HAO2: variants seen among roughly 807,000 people sequenced by gnomAD.
HAO2 encodes hydroxyacid oxidase 2, also known as 2-Hydroxyacid oxidase 2.
Under a neutral mutation model 37.4 loss-of-function variants are expected in HAO2, and 42 were observed. That is an observed-to-expected ratio of 1.12 (90% CI 0.88 to 1.45). The LOEUF (loss-of-function observed/expected upper bound fraction) is 1.45. Ranked by LOEUF, HAO2 falls within the 40% of genes most tolerant of loss-of-function variation. The pLI, the probability that HAO2 is intolerant of heterozygous loss-of-function variation, is 0.00. For synonymous variants in HAO2, 180 were observed against 162.8 expected, an observed-to-expected ratio of 1.11 and a Z score of -0.81; for missense variants, 476 against 430.2, an observed-to-expected ratio of 1.11 and a Z score of -0.94.
At chr1:119,377,221 G>C (rs1450676552) in intron 1 of HAO2, among the ~76,000 whole-genome samples, 1 of 152,140 alleles carries the variant, frequency 6.6e-6, no homozygotes. Flanking sequence ...TCTTCTGCCA[G>C]ATACTCTAAA....
intron 4 of HAO2, among the ~76,000 whole-genome samples, chr1:119,386,317 G>C (rs587621930): frequency 6.6e-6 from 1 of 152,096 alleles, no homozygotes; most frequent in Non-Finnish European, 1.5e-5. Flanking sequence ...GAGCCCAAGC[G>C]ATCCTCCCAC....
chr1:119,371,947 A>G (rs1649063388), intron 1 of HAO2, among the ~76,000 whole-genome samples: 1 of 152,226 alleles, frequency 6.6e-6, no homozygotes, highest in South Asian at 2.1e-4. Context: ...AATGTCTCCC[A>G]GTATGCCCTA....
chr1:119,376,171 G>C (rs942695505), intron 1 of HAO2, among the ~76,000 whole-genome samples: 20 of 152,176 alleles, frequency 1.3e-4, no homozygotes, highest in Non-Finnish European at 2.6e-4. Flanking sequence ...TTACTTCCTA[G>C]ATACAATGGG....
intron 1 of HAO2, among the ~76,000 whole-genome samples, chr1:119,375,422 A>G (rs1570754888): frequency 6.6e-6 from 1 of 152,050 alleles, no homozygotes; most frequent in Non-Finnish European, 1.5e-5. Flanking sequence ...TAAGATTTAC[A>G]TATATTATAT....
chr1:119,387,929 C>T (rs1650515737), intron 5 of HAO2, among the ~76,000 whole-genome samples: 1 of 152,162 alleles, frequency 6.6e-6, no homozygotes, highest in Non-Finnish European at 1.5e-5. Context: ...GCTTGGAAGC[C>T]TAAGAGCCAG....
chr1:119,388,531 C>A (rs1002740208), intron 5 of HAO2, among the ~76,000 whole-genome samples: 5 of 152,172 alleles, frequency 3.3e-5, no homozygotes, highest in Non-Finnish European at 7.3e-5. Context: ...TTCTCCCAAG[C>A]CATTTGGCTT....
In HAO2 at chr1:119,381,076, A is replaced by G. The variant is rs1263505105; in HGVS notation, c.-8-2A>G. The G allele has an allele frequency of 6.2e-7, 1 of 1,613,092 alleles. No individual in the cohort carries two copies. The highest frequency in any genetic ancestry group is 8.5e-7 in the Non-Finnish European group (1 of 1,179,250). On this transcript the variant is annotated splice_acceptor_variant, in intron 1 of 7. Coordinates refer to ENST00000325945, the MANE Select transcript of HAO2 (RefSeq NM_016527.4). LOFTEE classifies it low-confidence loss of function (5UTR_SPLICE). ...GGTTTGGTTTTGTTTTCTCCTTGGA[A>G]GGTCCAGAAATGTCCTTGGTGTGTT... is the stretch of plus-strand genomic sequence containing the variant.
rs1431938317 is a variant in HAO2 at position 119,382,944 on chromosome 1, A to T, written c.161A>T (p.Asp54Val). ...RIRLRPRYLRDVSEVDTRTTI... is the reference protein window; with the variant it reads ...RIRLRPRYLRVVSEVDTRTTI... ...CGCCTCCGTCCGCGGTACCTGAGAG[A>T]TGTGTCTGAGGTGGACACCAGAACC... Residue 54 changes from aspartate (D) to valine (V), a missense_variant, in exon 3 of 8, where the codon GAT (aspartate) becomes GTT (valine). Coordinates refer to ENST00000325945, the MANE Select transcript of HAO2 (RefSeq NM_016527.4). 6.2e-7 allele frequency: 1 copy of T among 1,613,750 alleles called. No individual in the cohort carries two copies. The highest frequency in any genetic ancestry group is 2.2e-5 in the East Asian group (1 of 44,814).
chr1:119,380,974 T>C lies in HAO2; in HGVS notation c.-8-104T>C, dbSNP rs1649878246. ...TAAGATAAGAATACAGGGAGACCAATGTTGAATCCAAACAATTTCATACTG... is the reference window on the plus strand; with the variant it reads ...TAAGATAAGAATACAGGGAGACCAACGTTGAATCCAAACAATTTCATACTG... On this transcript the variant is annotated intron_variant, in intron 1 of 7. Coordinates refer to ENST00000325945, the MANE Select transcript of HAO2 (RefSeq NM_016527.4). 6.3e-6 allele frequency: 6 copies of C among 953,254 alleles called. No individual in the cohort carries two copies. In the South Asian group the frequency reaches 8.9e-5, roughly 14 times the overall value. The allele number at this position is 953,254 out of a possible 1,614,324, so 59.0% of individuals were successfully genotyped here.
intron 5 of HAO2, among the ~76,000 whole-genome samples, chr1:119,390,904 C>T (rs971346809): frequency 6.6e-6 from 1 of 151,932 alleles, no homozygotes; most frequent in Non-Finnish European, 1.5e-5. Flanking sequence ...TAGGGGAGTG[C>T]CAAAAACTCA....
chr1:119,384,993 T>A lies in HAO2; in HGVS notation c.501T>A (p.His167Gln). 1 of 1,613,622 alleles carries A rather than the reference T, an allele frequency of 6.2e-7. No individual in the cohort carries two copies. Among genetic ancestry groups the A allele is most frequent in the Non-Finnish European group, 8.5e-7 (1 of 1,179,620 alleles). ...CACCTGTATGTGGCAACAGGCGACATGACATTCGAAACCAGTTGAGGAGGA... is the reference window on the plus strand; with the variant it reads ...CACCTGTATGTGGCAACAGGCGACAAGACATTCGAAACCAGTTGAGGAGGA... ...LDTPVCGNRR[H>Q]DIRNQLRRNL... The change falls in exon 4 of 8, where the codon CAT (histidine) becomes CAA (glutamine). Residue 167 changes from histidine to glutamine, a missense_variant. Physicochemically the swap from His to Gln is conservative, Grantham distance 24. Transcript: ENST00000325945.
chr1:119,369,796 C>A lies in HAO2; in HGVS notation c.-9+894C>A, dbSNP rs140050386. The stretch of plus-strand genomic sequence containing the variant: ...AAGGGACTCCTGTTGTACTCTAAAT[C>A]GTATCAGCTATCAAATGATGAGCTA... On this transcript the variant is annotated intron_variant, in intron 1 of 7. Transcript: ENST00000325945. Among the ~76,000 whole-genome samples, 28 of 152,188 alleles carry A rather than the reference C, an allele frequency of 1.8e-4. No individual in the cohort carries two copies. The East Asian group carries it at 5.2e-3, about 28-fold the overall frequency.
At chr1:119,378,009 G>C (rs1464031089) in intron 1 of HAO2, among the ~76,000 whole-genome samples, 1 of 152,198 alleles carries the variant, frequency 6.6e-6, no homozygotes, top group Non-Finnish European at 1.5e-5. Flanking sequence ...AGAAGTTACA[G>C]TGAGCTGAGA....
chr1:119,376,494 G>C (rs1199867538), intron 1 of HAO2, among the ~76,000 whole-genome samples: 1 of 152,150 alleles, frequency 6.6e-6, no homozygotes, highest in African/African-American at 2.4e-5. Context: ...TACCATTCTG[G>C]AGTCTGGAGG....
At chr1:119,391,569 C>T (rs182240307) in intron 5 of HAO2, among the ~76,000 whole-genome samples, 18 of 152,242 alleles carry the variant, frequency 1.2e-4, no homozygotes, top group East Asian at 5.8e-4. Context: ...TTCTCAGATA[C>T]GCCATGAGGA....
intron 5 of HAO2, among the ~76,000 whole-genome samples, chr1:119,387,483 T>C (rs1167711797): frequency 1.3e-5 from 2 of 152,184 alleles, no homozygotes; most frequent in Admixed American, 6.5e-5. Context: ...TTGACACTTA[T>C]ATAAATAAAA....
chr1:119,388,028 G>A (rs1268403799), intron 5 of HAO2, among the ~76,000 whole-genome samples: 2 of 152,162 alleles, frequency 1.3e-5, no homozygotes, highest in Admixed American at 6.5e-5. Flanking sequence ...CCTTCACTGT[G>A]TCTCTCTGGT....
intron 2 of HAO2, 59 bp downstream of exon 2, chr1:119,381,275 T>A: frequency 8.3e-7 from 1 of 1,201,552 alleles, no homozygotes; most frequent in Non-Finnish European, 1.2e-6. Context: ...GAGAGCAACT[T>A]GGACAGTAGT....
chr1:119,393,837 G>T lies in HAO2; in HGVS notation c.1053G>T (p.Leu351=), dbSNP rs1479192350. 6.2e-7 allele frequency: 1 copy of T among 1,612,854 alleles called. No homozygotes were observed. The highest frequency in any genetic ancestry group is 2.2e-5 in the East Asian group (1 of 44,858). ...GAAACTTGGTCCAGTTTTCCAGGCT[G>T]TAAGAAAAAAGGGCCAATAACCAGA... ...INRNLVQFSR[L] is the part of the protein sequence containing the mutation. The change falls in exon 8 of 8, where the codon CTG becomes CTT. Residue 351 remains leucine (L), a synonymous_variant. Transcript: ENST00000325945.
Sources: allele counts gnomAD v4.1 joint callset (sites outside exome capture counted in the v4.1 genomes callset), GRCh38; gene constraint gnomAD v4.1.1; transcripts MANE v1.5; gene names NCBI Gene and HGNC (gene_info 2026-07-23, HGNC 2026-07-21).